ROBO1: variants seen among roughly 807,000 people sequenced by gnomAD.
The protein encoded by ROBO1 is roundabout homolog 1.
Under a neutral mutation model 195.9 loss-of-function variants are expected in ROBO1, and 149 were observed. The observed-to-expected ratio is 0.76, with a 90% confidence interval of 0.67 to 0.87. ROBO1 has a LOEUF of 0.87. ROBO1 is among the 40% of genes least tolerant of loss of function. The pLI, the probability that ROBO1 is intolerant of heterozygous loss-of-function variation, is 0.00. For missense variants in ROBO1, 1,933 were observed against 2,068.3 expected (o/e 0.93, Z 1.27); for synonymous variants, 816 against 733.2 (o/e 1.11, Z -1.82).
At chr3:79,395,340 A>AAAAAAAAAGAAAGAAAGAAAGAAAG (rs71631648) in intron 2 of ROBO1, among the ~76,000 whole-genome samples, 1 of 119,080 alleles carries the variant, frequency 8.4e-6, no homozygotes, top group African/African-American at 3.1e-5. Flanking sequence ...AAAAAAAAAA[A>AAAAAAAAAGAAAGAAAGAAAGAAAG]AAAGAAAGAA....
chr3:79,109,564 T>G (rs1391348162), intron 3 of ROBO1, among the ~76,000 whole-genome samples: 1 of 152,126 alleles, frequency 6.6e-6, no homozygotes. Flanking sequence ...TTGCTATAAA[T>G]CATTCCCATG....
chr3:79,068,396 T>C (rs923322516), intron 3 of ROBO1, among the ~76,000 whole-genome samples: 1 of 151,934 alleles, frequency 6.6e-6, no homozygotes, highest in Admixed American at 6.6e-5. Flanking sequence ...TTTTTCAAAG[T>C]AATTACCTTT....
chr3:79,763,653 A>G (rs1160655229), intron 1 of ROBO1, among the ~76,000 whole-genome samples: 1 of 152,150 alleles, frequency 6.6e-6, no homozygotes, highest in Non-Finnish European at 1.5e-5. Flanking sequence ...ACAAATTTCA[A>G]AGAAAATGGA....
At chr3:79,760,096 G>A (rs1354058688) in intron 1 of ROBO1, among the ~76,000 whole-genome samples, 2 of 151,438 alleles carry the variant, frequency 1.3e-5, no homozygotes, top group Non-Finnish European at 2.9e-5. Flanking sequence ...AATTATCTGG[G>A]TGTGGTGGTG....
intron 2 of ROBO1, among the ~76,000 whole-genome samples, chr3:79,156,789 C>T (rs949071822): frequency 4.6e-5 from 7 of 151,848 alleles, no homozygotes; most frequent in Admixed American, 1.3e-4. Flanking sequence ...TTACACATAA[C>T]TTTCCTTGAT....
rs143222686 is a variant in ROBO1, at chr3:79,007,305, T to C, written c.173-68378A>G. 4.1e-3 allele frequency among the ~76,000 whole-genome samples: 628 copies of C among 152,262 alleles called. 3 individuals carry two copies. The highest frequency in any genetic ancestry group is 0.041 in the Middle Eastern group (12 of 294). Reference sequence around the variant, plus strand: ...TAGCTTAATATGCAGACAAGTTTTATAAAAATTGTAAATGTCTATGCTATG... The same window carrying C: ...TAGCTTAATATGCAGACAAGTTTTACAAAAATTGTAAATGTCTATGCTATG... On this transcript the variant is annotated intron_variant, in intron 3 of 30. Coordinates refer to ENST00000464233, the MANE Select transcript of ROBO1 (RefSeq NM_002941.4).
chr3:79,159,645 T>C (rs1211370881), intron 2 of ROBO1, among the ~76,000 whole-genome samples: 1 of 151,966 alleles, frequency 6.6e-6, no homozygotes, highest in Non-Finnish European at 1.5e-5. Context: ...ATTGGCAAAT[T>C]AATAGCCCTC....
chr3:79,580,187 C>A (rs554496867), intron 2 of ROBO1, among the ~76,000 whole-genome samples: 1 of 152,032 alleles, frequency 6.6e-6, no homozygotes, highest in East Asian at 1.9e-4. Context: ...TAAATCTTAT[C>A]CCAGCCAGGC....
intron 2 of ROBO1, among the ~76,000 whole-genome samples, chr3:79,584,989 A>G (rs1247483419): frequency 6.6e-6 from 1 of 151,882 alleles, no homozygotes; most frequent in Admixed American, 6.6e-5. Flanking sequence ...TTTATCTTAT[A>G]TTATGATTTT....
At chr3:79,184,977 C>T (rs993525630) in intron 2 of ROBO1, among the ~76,000 whole-genome samples, 1 of 152,096 alleles carries the variant, frequency 6.6e-6, no homozygotes, top group Non-Finnish European at 1.5e-5. Flanking sequence ...CAGACTCTTC[C>T]ATGTCCACAT....
chr3:78,857,116 C>T (rs1435521705), intron 4 of ROBO1, among the ~76,000 whole-genome samples: 1 of 152,024 alleles, frequency 6.6e-6, no homozygotes, highest in East Asian at 1.9e-4. Flanking sequence ...CATTTATTCA[C>T]ACAATATTCA....
chr3:78,823,799 T>C (rs528787662), intron 4 of ROBO1, among the ~76,000 whole-genome samples: 2 of 152,318 alleles, frequency 1.3e-5, no homozygotes, highest in East Asian at 3.9e-4. Flanking sequence ...TTTTCCCTGA[T>C]TACCAAATTT....
chr3:79,581,149 TA>T (rs1560012520), intron 2 of ROBO1, among the ~76,000 whole-genome samples: 1 of 147,600 alleles, frequency 6.8e-6, no homozygotes, highest in Non-Finnish European at 1.5e-5. Context: ...TTATTTATTT[TA>T]TTTTTTTTAC....
intron 3 of ROBO1, among the ~76,000 whole-genome samples, chr3:78,960,480 T>C (rs901392817): frequency 6.6e-6 from 1 of 151,678 alleles, no homozygotes; most frequent in Non-Finnish European, 1.5e-5. Context: ...AGAAGAAAAG[T>C]TAAAAGAATA....
At chr3:79,004,272 T>A (rs1200998089) in intron 3 of ROBO1, among the ~76,000 whole-genome samples, 1 of 152,224 alleles carries the variant, frequency 6.6e-6, no homozygotes, top group Non-Finnish European at 1.5e-5. Flanking sequence ...CATGTGTTCA[T>A]TTTTCTGTTT....
intron 2 of ROBO1, among the ~76,000 whole-genome samples, chr3:79,470,060 G>A (rs543228642): frequency 1.3e-5 from 2 of 152,118 alleles, no homozygotes; most frequent in East Asian, 3.9e-4. Context: ...CAACGTGCAG[G>A]TTTGTTACAT....
intron 2 of ROBO1, among the ~76,000 whole-genome samples, chr3:79,568,375 TCAAA>T (rs555296715): frequency 1.4e-4 from 22 of 152,042 alleles, no homozygotes; most frequent in African/African-American, 4.8e-4. Flanking sequence ...ATTCGAATCT[TCAAA>T]CAATTAGAAA....
intron 3 of ROBO1, among the ~76,000 whole-genome samples, chr3:78,993,932 AG>A (rs1380494040): frequency 6.6e-6 from 1 of 152,080 alleles, no homozygotes; most frequent in South Asian, 2.1e-4. Flanking sequence ...ATGTGTAAAA[AG>A]GGTGTTAAAT....
chr3:79,061,574 A>G (rs1402665594), intron 3 of ROBO1, among the ~76,000 whole-genome samples: 2 of 152,194 alleles, frequency 1.3e-5, no homozygotes, highest in African/African-American at 4.8e-5. Context: ...ACAAAGCTGG[A>G]GACATCACAC....
Sources: gnomAD v4.1 joint callset for allele counts (sites outside exome capture counted in the v4.1 genomes callset) on GRCh38, gnomAD v4.1.1 for gene constraint, MANE v1.5 for transcripts, NCBI Gene and HGNC (gene_info 2026-07-23, HGNC 2026-07-21) for gene names.